The following SOX5 variants were observed in gnomAD, a reference collection of about 807,000 sequenced individuals.
SOX5 encodes the protein SRY-box transcription factor 5.
A neutral mutation model predicts 92.0 loss-of-function variants in SOX5; 9 were observed. The ratio of observed to expected loss-of-function variants is 0.10; its 90% CI spans 0.06 to 0.17. The LOEUF (loss-of-function observed/expected upper bound fraction) is 0.17, where lower values mean the gene tolerates loss of function less well. Ranked by LOEUF, SOX5 falls within the 10% of genes least tolerant of loss-of-function variation. The probability of loss-of-function intolerance (pLI) is 1.00; values close to 1 mark genes in which losing one functional copy is unlikely to be tolerated. For synonymous variants in SOX5, 344 were observed against 336.3 expected (o/e 1.02, Z -0.25); for missense variants, 642 against 944.5 (o/e 0.68, Z 4.20).
intron 1 of SOX5, among the ~76,000 whole-genome samples, chr12:24,508,070 A>G (rs1239035553): frequency 6.6e-6 from 1 of 152,170 alleles, no homozygotes; most frequent in Non-Finnish European, 1.5e-5. Flanking sequence ...AGGGAGGGCC[A>G]GGTTGCAGCA....
At chr12:24,223,053 A>G (rs1488021334) in intron 3 of SOX5, among the ~76,000 whole-genome samples, 1 of 152,204 alleles carries the variant, frequency 6.6e-6, no homozygotes, top group Non-Finnish European at 1.5e-5. Context: ...TTCATGGGTA[A>G]TTCGAGGATT....
intron 4 of SOX5, among the ~76,000 whole-genome samples, chr12:24,116,882 G>A (rs1380877186): frequency 6.6e-6 from 1 of 151,206 alleles, no homozygotes; most frequent in Admixed American, 6.6e-5. Context: ...CGATACATAT[G>A]TGTATACATA....
intron 2 of SOX5, among the ~76,000 whole-genome samples, chr12:23,851,389 A>C (rs561433996): frequency 6.6e-6 from 1 of 152,170 alleles, no homozygotes; most frequent in Non-Finnish European, 1.5e-5. Context: ...TAATGTTCCT[A>C]AAAATGAGAT....
In SOX5 at chr12:23,688,824, T is replaced by G. The variant is rs547201241; in HGVS notation, c.811-23260A>C. Among the ~76,000 whole-genome samples the G allele has an allele frequency of 3.1e-4, 47 of 152,252 alleles. 2 individuals are homozygous for G. The South Asian group carries it at 9.3e-3, about 30-fold the overall frequency. On this transcript the variant is annotated intron_variant, in intron 6 of 14. Coordinates refer to ENST00000451604, the MANE Select transcript of SOX5 (RefSeq NM_006940.6). The stretch of plus-strand genomic sequence containing the variant: ...ATGAGGTCAGGAATTCTTTCTTGTG[T>G]GCAGTATTATCTTTTCCATTTCAAA...
At chr12:24,048,571 T>G (rs905958805) in intron 4 of SOX5, among the ~76,000 whole-genome samples, 1 of 152,152 alleles carries the variant, frequency 6.6e-6, no homozygotes, top group Non-Finnish European at 1.5e-5. Flanking sequence ...ATAATGTGAA[T>G]TCATACTCAT....
chr12:24,382,615 G>A (rs184307663), intron 1 of SOX5, among the ~76,000 whole-genome samples: 35 of 152,116 alleles, frequency 2.3e-4, no homozygotes, highest in Admixed American at 2.0e-3. Context: ...CCCTGGCCAC[G>A]ATTTGTGAGA....
chr12:23,575,871 A>C (rs1353604567), intron 9 of SOX5, 33 bp from the exon 10 acceptor site: 8 of 1,491,082 alleles, frequency 5.4e-6, no homozygotes, highest in Non-Finnish European at 7.2e-6. Flanking sequence ...AGCTGTGATA[A>C]GGAAAGGCTG....
At chr12:23,987,791 T>C (rs954309901) in intron 4 of SOX5, among the ~76,000 whole-genome samples, 2 of 152,152 alleles carry the variant, frequency 1.3e-5, no homozygotes, top group Non-Finnish European at 2.9e-5. Flanking sequence ...AGACCCTGCC[T>C]TGAAAACAAA....
rs150698010 is a variant in SOX5 at position 23,607,921 on chromosome 12, T to C, written c.1018-3388A>G. On this transcript the variant is annotated intron_variant, in intron 8 of 14. Coordinates refer to ENST00000451604, the MANE Select transcript of SOX5 (RefSeq NM_006940.6). ...GTATTTTTATGATAGTGAAGTTGTC[T>C]AAAACATCGGAAACAAACAGGTGAC... Among the ~76,000 whole-genome samples the C allele has an allele frequency of 5.5e-3, 828 of 151,910 alleles. 2 individuals are homozygous for C. The highest frequency in any genetic ancestry group is 7.2e-3 in the Non-Finnish European group (490 of 67,938).
At chr12:23,857,117 C>T (rs762567865) in intron 2 of SOX5, among the ~76,000 whole-genome samples, 1 of 152,082 alleles carries the variant, frequency 6.6e-6, no homozygotes, top group Non-Finnish European at 1.5e-5. Flanking sequence ...TGCATATACA[C>T]ACACACTACA....
chr12:24,117,495 T>C (rs992025105), intron 4 of SOX5, among the ~76,000 whole-genome samples: 1 of 152,202 alleles, frequency 6.6e-6, no homozygotes, highest in Non-Finnish European at 1.5e-5. Context: ...GAAATCACTA[T>C]GTCAAAGGAA....
chr12:23,936,683 C>A (rs554794780), intron 1 of SOX5, among the ~76,000 whole-genome samples: 2 of 150,828 alleles, frequency 1.3e-5, no homozygotes, highest in East Asian at 3.9e-4. Flanking sequence ...ATGAGAGCCA[C>A]AAATATGAGG....
At chr12:23,688,948 G>T (rs2088190227) in intron 6 of SOX5, among the ~76,000 whole-genome samples, 1 of 152,050 alleles carries the variant, frequency 6.6e-6, no homozygotes. Context: ...AGGAATTTTT[G>T]TACAACTTTT....
At chr12:24,177,365 T>C (rs12831709) in intron 4 of SOX5, among the ~76,000 whole-genome samples, 7,850 of 152,306 alleles carry the variant, frequency 0.052, 213 homozygotes, top group African/African-American at 0.074. Context: ...ATCTAGAAAG[T>C]ACACTCAGAA....
In SOX5 at chr12:23,836,521, A is replaced by C. The variant is rs140205535; in HGVS notation, c.481+9462T>G. 6.9e-4 allele frequency among the ~76,000 whole-genome samples: 105 copies of C among 152,154 alleles called. 2 individuals are homozygous for C. In the East Asian group the frequency reaches 0.018, roughly 26 times the overall value. ...ATGAAAGAGAGCTGTCTCTTCTTCAACCCATATGCAAATCTAATTTTCTTT... is the reference window on the plus strand; with the variant it reads ...ATGAAAGAGAGCTGTCTCTTCTTCACCCCATATGCAAATCTAATTTTCTTT... On this transcript the variant is annotated intron_variant, in intron 3 of 14. Transcript: ENST00000451604.
chr12:23,897,610 C>A (rs1386220472), intron 1 of SOX5, among the ~76,000 whole-genome samples: 6 of 151,998 alleles, frequency 3.9e-5, no homozygotes, highest in Admixed American at 3.3e-4. Flanking sequence ...TACAGTGCAA[C>A]CCACCCACCC....
At chr12:24,181,260 A>C (rs1199104643) in intron 4 of SOX5, among the ~76,000 whole-genome samples, 1 of 152,188 alleles carries the variant, frequency 6.6e-6, no homozygotes, top group South Asian at 2.1e-4. Context: ...ATGAAATGCA[A>C]ATTAGATAAT....
At chr12:24,388,178 A>C (rs894860363) in intron 1 of SOX5, among the ~76,000 whole-genome samples, 2 of 152,164 alleles carry the variant, frequency 1.3e-5, no homozygotes, top group Non-Finnish European at 2.9e-5. Flanking sequence ...AATTCACTTC[A>C]TTTGGAGGTA....
intron 3 of SOX5, among the ~76,000 whole-genome samples, chr12:24,276,946 T>A (rs1378380961): frequency 6.6e-6 from 1 of 152,058 alleles, no homozygotes; most frequent in African/African-American, 2.4e-5. Context: ...TCAGAAAAAG[T>A]GTATCTCATT....
Sources: allele counts gnomAD v4.1 joint callset (sites outside exome capture counted in the v4.1 genomes callset), GRCh38; gene constraint gnomAD v4.1.1; transcripts MANE v1.5; gene names NCBI Gene and HGNC (gene_info 2026-07-23, HGNC 2026-07-21).